The following PIGG variants were observed in gnomAD, a reference collection of about 807,000 sequenced individuals.
PIGG encodes the protein GPI ethanolamine phosphate transferase 2, catalytic subunit.
In PIGG, 70 loss-of-function variants were observed where a neutral mutation model predicts 83.2. The observed-to-expected ratio is 0.84, with a 90% CI of 0.69 to 1.03. The LOEUF is 1.03. Among genes scored for constraint, PIGG ranks in the 50% least tolerant of loss-of-function variants. PIGG has a pLI of 0.00. For missense variants in PIGG, 1,257 were observed against 1,233.6 expected (o/e 1.02, Z -0.28); for synonymous variants, 532 against 519.5 (o/e 1.02, Z -0.33).
chr4:528,091 C>T lies in PIGG; in HGVS notation c.2261+861C>T, dbSNP rs1420259257. ...CTGACAGTGACCGTCCCAGTGAGGT[C>T]GGTGCTCTGATAGTGACCCTCTCAG... is the stretch of plus-strand genomic sequence containing the variant. On this transcript the variant is annotated intron_variant, in intron 10 of 12. Coordinates refer to ENST00000453061, the MANE Select transcript of PIGG (RefSeq NM_001127178.3). The surrounding 1 kb of genome is among the most constrained non-coding windows in gnomAD (Gnocchi z 4.8). The T allele has an allele frequency of 9.1e-6, 9 of 985,118 alleles. No homozygotes were observed. Among genetic ancestry groups the T allele is most frequent in the Admixed American group, 6.2e-5 (1 of 16,246 alleles). 61.0% of individuals were successfully genotyped at this position (985,118 alleles called of 1,614,324 possible).
intron 4 of PIGG, 74 bp from the exon 5 acceptor site, chr4:508,755 G>A (rs1459994513): frequency 2.0e-5 from 29 of 1,435,864 alleles, no homozygotes; most frequent in South Asian, 8.6e-5. Flanking sequence ...AGCTAAAACC[G>A]AAAATTGTCT....
intron 6 of PIGG, among the ~76,000 whole-genome samples, chr4:518,457 G>T (rs1342757430): frequency 1.3e-5 from 2 of 152,168 alleles, no homozygotes; most frequent in African/African-American, 2.4e-5. Context: ...GTTGGGCATG[G>T]TGGCAGGCGC....
chr4:526,924 T>C (rs890729615), intron 9 of PIGG, 115 bp from the exon 10 acceptor site: 1 of 1,122,662 alleles, frequency 8.9e-7, no homozygotes, highest in Non-Finnish European at 1.3e-6. Flanking sequence ...CATGTAATCT[T>C]TGGTTTTTGG....
Position 528,103 on chromosome 4 carries a change from A to G in PIGG, c.2261+873A>G. 1.0e-6 allele frequency: 1 copy of G among 985,332 alleles called. No individual in the cohort carries two copies. The allele number at this position is 985,332 out of a possible 1,614,324, so 61.0% of individuals were successfully genotyped here. A position where few individuals can be genotyped will look rare whatever the true frequency, so the allele number is the denominator to read the frequency against. On this transcript the variant is annotated intron_variant, in intron 10 of 12. Transcript: ENST00000453061. The surrounding 1 kb of genome is among the most constrained non-coding windows in gnomAD (Gnocchi z 4.8). ...GTCCCAGTGAGGTCGGTGCTCTGAT[A>G]GTGACCCTCTCAGTGAGGTCGGTGC...
intron 6 of PIGG, among the ~76,000 whole-genome samples, chr4:517,748 G>T (rs1158821322): frequency 6.6e-6 from 1 of 152,126 alleles, no homozygotes; most frequent in Non-Finnish European, 1.5e-5. Flanking sequence ...AGTTGCCTGA[G>T]GCAGGTGTGG....
intron 5 of PIGG, among the ~76,000 whole-genome samples, chr4:512,585 G>T (rs1288178249): frequency 1.3e-5 from 2 of 151,958 alleles, no homozygotes; most frequent in Non-Finnish European, 2.9e-5. Context: ...GGGAGGCCAA[G>T]GCGGGTGGAT....
chr4:507,335 C>A lies in PIGG; in HGVS notation c.571-70C>A, dbSNP rs901055732. On this transcript the variant is annotated intron_variant, in intron 3 of 12. Coordinates refer to ENST00000453061, the MANE Select transcript of PIGG (RefSeq NM_001127178.3). ...CCCCTAGATTTTAAGATGACTGTTG[C>A]GTTTTCCCCGGGGAGTGAAGATCCA... 10 of 1,226,786 alleles carry A rather than the reference C, an allele frequency of 8.2e-6. 1 individual carries two copies. In the South Asian group the frequency reaches 1.4e-4, roughly 17 times the overall value. The allele number at this position is 1,226,786 out of a possible 1,614,324, so 76.0% of individuals were successfully genotyped here. A position where few individuals can be genotyped will look rare whatever the true frequency, so the allele number is the denominator to read the frequency against.
intron 6 of PIGG, among the ~76,000 whole-genome samples, chr4:519,536 C>T (rs1424846622): frequency 2.0e-5 from 3 of 152,210 alleles, no homozygotes; most frequent in Non-Finnish European, 4.4e-5. Context: ...GGCCCAGGTG[C>T]GTGACTCACC....
intron 3 of PIGG, among the ~76,000 whole-genome samples, chr4:507,130 G>A (rs966392974): frequency 1.3e-5 from 2 of 152,160 alleles, no homozygotes; most frequent in Admixed American, 6.5e-5. Context: ...TATAGACGTG[G>A]GGTCTTGCTA....
intron 6 of PIGG, among the ~76,000 whole-genome samples, chr4:516,888 A>C (rs2108893205): frequency 6.6e-6 from 1 of 150,608 alleles, no homozygotes; most frequent in African/African-American, 2.4e-5. Context: ...AGAAGGAATA[A>C]ACAGGCGTGG....
chr4:525,137 C>T (rs1275364031), intron 9 of PIGG: 2 of 958,106 alleles, frequency 2.1e-6, no homozygotes, highest in Non-Finnish European at 2.5e-6. Flanking sequence ...CTTTCTCCTC[C>T]CCATCCTCCC....
intron 3 of PIGG, chr4:506,767 A>G (rs781981034): frequency 7.7e-5 from 35 of 456,112 alleles, no homozygotes; most frequent in Non-Finnish European, 1.2e-4. Flanking sequence ...TCAGAAATCA[A>G]TGTGATCATT....
intron 10 of PIGG, chr4:527,876 G>A: frequency 3.0e-6 from 3 of 985,430 alleles, no homozygotes; most frequent in Non-Finnish European, 3.6e-6. Flanking sequence ...CTTGTAACAT[G>A]TGGGTGACCC....
At chr4:536,631 G>C (rs1730689051) in intron 12 of PIGG, 1 of 152,188 alleles carries the variant, frequency 6.6e-6, no homozygotes, top group African/African-American at 2.4e-5. Flanking sequence ...TCTCTGACTT[G>C]GTTTTGAGGC....
At chr4:520,736 AAGG>A (rs1349535217) in intron 6 of PIGG, among the ~76,000 whole-genome samples, 1 of 152,178 alleles carries the variant, frequency 6.6e-6, no homozygotes, top group East Asian at 1.9e-4. Context: ...GAACAGGGAG[AAGG>A]AAGTAAGAGC....
intron 12 of PIGG, chr4:537,154 A>G (rs1428402997): frequency 1.3e-5 from 2 of 152,182 alleles, no homozygotes; most frequent in African/African-American, 2.4e-5. Flanking sequence ...AGTTTTACTC[A>G]TGGTTTCTAT....
rs1396085574 is a variant in PIGG at position 515,199 on chromosome 4, C to T, written c.902-774C>T. 6.6e-6 allele frequency among the ~76,000 whole-genome samples: 1 copy of T among 152,222 alleles called. No homozygotes were observed. Among genetic ancestry groups the T allele is most frequent in the Non-Finnish European group, 1.5e-5 (1 of 68,038 alleles). On this transcript the variant is annotated intron_variant, in intron 5 of 12. Coordinates refer to ENST00000453061, the MANE Select transcript of PIGG (RefSeq NM_001127178.3). This position sits in a 1 kb window ranked among gnomAD's most constrained non-coding sequence, Gnocchi z 4.2. ...TCCCTGTGGCCTCTTGGCGCCCTGC[C>T]GGTGTACGTTGAATTCCAGGGTGTG...
intron 4 of PIGG, among the ~76,000 whole-genome samples, chr4:507,804 C>G (rs1207004961): frequency 1.3e-5 from 2 of 152,366 alleles, no homozygotes; most frequent in African/African-American, 4.8e-5. Flanking sequence ...GCAGCTCTCA[C>G]TCCTACCCGT....
intron 12 of PIGG, 140 bp from the exon 13 acceptor site, chr4:539,013 A>G (rs1034697451): frequency 1.6e-6 from 1 of 625,368 alleles, no homozygotes; most frequent in Non-Finnish European, 2.8e-6. Flanking sequence ...TAGTGACTGG[A>G]TGTGTGTGCA....
Sources: gnomAD v4.1 joint callset for allele counts (sites outside exome capture counted in the v4.1 genomes callset) on GRCh38, gnomAD v4.1.1 for gene constraint, Gnocchi (gnomAD v3.1) non-coding constraint, MANE v1.5 for transcripts, NCBI Gene and HGNC (gene_info 2026-07-23, HGNC 2026-07-21) for gene names.